Variants in ZNF681 observed in about 807,000 individuals in gnomAD.
ZNF681 encodes hypothetical protein FLJ31526.
In ZNF681, 37 loss-of-function variants were observed where a neutral mutation model predicts 56.0. The observed-to-expected ratio is 0.66, with a 90% CI of 0.51 to 0.87. ZNF681 has a LOEUF of 0.87. Among genes scored for constraint, ZNF681 ranks in the 40% least tolerant of loss-of-function variants. ZNF681 has a pLI of 0.00. For missense variants in ZNF681, 741 were observed against 744.9 expected, an observed-to-expected ratio of 0.99 and a Z score of 0.06; for synonymous variants, 225 against 248.6, an observed-to-expected ratio of 0.91 and a Z score of 0.89.
At position 23,742,393 on chromosome 19, in the gene ZNF681, AG is replaced by A. The variant is rs1190236826; in HGVS notation, c.*1218del. The A allele has an allele frequency of 6.6e-5, 10 of 152,262 alleles. No homozygotes were observed. The South Asian group carries it at 2.1e-3, about 32-fold the overall frequency. 9.4% of individuals were successfully genotyped at this position (152,262 alleles called of 1,614,324 possible). A position where few individuals can be genotyped will look rare whatever the true frequency, so the allele number is the denominator to read the frequency against. On this transcript the variant is annotated 3_prime_UTR_variant, in exon 4 of 4. Transcript: ENST00000402377. ...GTAATCCCAGCTACTCGGGAGGCTGAGGCAGGAGAATCCCTTGAACCTGGGA... is the reference window on the plus strand; with the variant it reads ...GTAATCCCAGCTACTCGGGAGGCTGAGCAGGAGAATCCCTTGAACCTGGGA...
At chr19:23,750,286 A>AAAAAAAAAAAAAAC in intron 3 of ZNF681, among the ~76,000 whole-genome samples, 1 of 72,668 alleles carries the variant, frequency 1.4e-5, no homozygotes, top group Non-Finnish European at 2.5e-5. Flanking sequence ...TCCAACTCAA[A>AAAAAAAAAAAAAAC]AAAAAAAAAA....
At chr19:23,748,995 T>G (rs1568310968) in intron 3 of ZNF681, among the ~76,000 whole-genome samples, 2 of 152,224 alleles carry the variant, frequency 1.3e-5, no homozygotes, top group Non-Finnish European at 2.9e-5. Flanking sequence ...ATTCAATTTG[T>G]AAATCTATAT....
Position 23,744,103 on chromosome 19 carries a change from A to T in ZNF681, c.1447T>A (p.Cys483Ser). The change falls in exon 4 of 4, where the codon TGT becomes AGT. Residue 483 changes from cysteine to serine, a missense_variant. Physicochemically the swap from Cys to Ser is moderately radical, Grantham distance 112. Transcript: ENST00000402377. ...TGEKPYKCEE[C>S]GKAFNQSSIL... ...GAGGACTGGTTAAAAGCTTTGCCAC[A>T]TTCTTCACATTTGTAGGGTTTCTCT... 2 of 1,612,176 alleles carry T rather than the reference A, an allele frequency of 1.2e-6. No homozygotes were observed. Among genetic ancestry groups the T allele is most frequent in the Middle Eastern group, 1.7e-4 (1 of 6,054 alleles).
chr19:23,748,324 C>T (rs1466711898), intron 3 of ZNF681, among the ~76,000 whole-genome samples: 7 of 152,214 alleles, frequency 4.6e-5, no homozygotes, highest in African/African-American at 1.7e-4. Flanking sequence ...AACTGTTTAT[C>T]ATGAATGCAG....
chr19:23,751,474 C>CA (rs71165893), intron 3 of ZNF681, among the ~76,000 whole-genome samples: 107,182 of 122,986 alleles, frequency 0.87, 46,863 homozygotes, highest in Admixed American at 0.91. Flanking sequence ...GACTCCGTCT[C>CA]AAAAAAAAAA....
At chr19:23,747,765 C>A (rs928729987) in intron 3 of ZNF681, among the ~76,000 whole-genome samples, 2 of 151,728 alleles carry the variant, frequency 1.3e-5, no homozygotes, top group Admixed American at 1.3e-4. Context: ...TGTTATACTT[C>A]TGGATTTTAA....
Position 23,743,549 on chromosome 19 carries a change from G to C in ZNF681, c.*63C>G. ...ACACTTGTAGGTTTTTTTTTAGTATGAATTATCTTATGCACAATCAAGTGT... is the reference window on the plus strand; with the variant it reads ...ACACTTGTAGGTTTTTTTTTAGTATCAATTATCTTATGCACAATCAAGTGT... On this transcript the variant is annotated 3_prime_UTR_variant, in exon 4 of 4. Transcript: ENST00000402377. The C allele has an allele frequency of 1.5e-6, 2 of 1,348,312 alleles. No individual in the cohort carries two copies. Among genetic ancestry groups the C allele is most frequent in the Non-Finnish European group, 1.9e-6 (2 of 1,028,970 alleles). 83.5% of individuals were successfully genotyped at this position (1,348,312 alleles called of 1,614,324 possible).
chr19:23,754,795 T>C, intron 3 of ZNF681, 28 bp downstream of exon 3: 2 of 1,558,642 alleles, frequency 1.3e-6, no homozygotes, highest in Non-Finnish European at 1.8e-6. Context: ...CTATGTTATC[T>C]GTTGTATTCA....
chr19:23,755,592 CACACACATACACAT>C, intron 1 of ZNF681, 41 bp from the exon 2 acceptor site: 1 of 1,296,508 alleles, frequency 7.7e-7, no homozygotes, highest in Non-Finnish European at 1.0e-6. Context: ...CACACACACA[CACACACATACACAT>C]TTAGAAAGTG....
chr19:23,746,300 T>C (rs146123188), intron 3 of ZNF681, among the ~76,000 whole-genome samples: 298 of 135,696 alleles, frequency 2.2e-3, no homozygotes, highest in Middle Eastern at 7.2e-3. Flanking sequence ...GGTGACAGAG[T>C]GAGACTATGT....
intron 3 of ZNF681, 112 bp from the exon 4 acceptor site, chr19:23,745,435 T>A: frequency 1.7e-5 from 14 of 801,362 alleles, no homozygotes; most frequent in Non-Finnish European, 5.2e-6. Context: ...TATAGCAAAA[T>A]ACCAAAGGCC....
At position 23,743,997 on chromosome 19, in the gene ZNF681, G is replaced by A. The variant is rs1383772062; in HGVS notation, c.1553C>T (p.Ser518Phe). The A allele has an allele frequency of 6.2e-7, 1 of 1,612,630 alleles. No homozygotes were observed. The highest frequency in any genetic ancestry group is 2.2e-5 in the East Asian group (1 of 44,814). ...TTTCTTATGTTCAGTAAGTTTTGAG[G>A]ATCGATAGAAAGCTTTGCCACATTC... Reference protein sequence around the residue: ...CEECGKAFYRSSKLTEHKKIH... With the variant: ...CEECGKAFYRFSKLTEHKKIH... The change falls in exon 4 of 4, where the codon TCC becomes TTC. Residue 518 changes from serine (S) to phenylalanine (F), a missense_variant. By Grantham distance (155) the Ser-to-Phe change is radical (BLOSUM62 -2). Transcript: ENST00000402377.
Position 23,740,267 on chromosome 19 carries a change from T to C in ZNF681, c.*3345A>G, listed in dbSNP as rs1212639917. The C allele has an allele frequency of 6.6e-6, 1 of 152,122 alleles. No homozygotes were observed. The highest frequency in any genetic ancestry group is 2.4e-5 in the African/African-American group (1 of 41,442). 9.4% of individuals were successfully genotyped at this position (152,122 alleles called of 1,614,324 possible). ...CGATTTCTCATCAAAACCTACAATATACCATGTGAAATGACATGGTGTGAA... is the reference window on the plus strand; with the variant it reads ...CGATTTCTCATCAAAACCTACAATACACCATGTGAAATGACATGGTGTGAA... On this transcript the variant is annotated 3_prime_UTR_variant, in exon 4 of 4. Transcript: ENST00000402377.
chr19:23,740,095 TAACA>T lies in ZNF681; in HGVS notation c.*3513_*3516del, dbSNP rs1417784406. 1.3e-5 allele frequency: 2 copies of T among 152,316 alleles called. No individual in the cohort carries two copies. Among genetic ancestry groups the T allele is most frequent in the East Asian group, 1.9e-4 (1 of 5,186 alleles). 9.4% of individuals were successfully genotyped at this position (152,316 alleles called of 1,614,324 possible). A position where few individuals can be genotyped will look rare whatever the true frequency, so the allele number is the denominator to read the frequency against. On this transcript the variant is annotated 3_prime_UTR_variant, in exon 4 of 4. Coordinates refer to ENST00000402377, the MANE Select transcript of ZNF681 (RefSeq NM_138286.3). ...GTAAGAATTTAATAAGATTATTCTTTAACAAACAGAGAAAAACAACGCTAAATGA... is the reference window on the plus strand; with the variant it reads ...GTAAGAATTTAATAAGATTATTCTTTAACAGAGAAAAACAACGCTAAATGA...
chr19:23,754,672 A>AAAAAG (rs531132637), intron 3 of ZNF681, 151 bp downstream of exon 3: 724 of 715,642 alleles, frequency 1.0e-3, no homozygotes, highest in Non-Finnish European at 1.5e-3. Flanking sequence ...CTCTCAAAAG[A>AAAAAG]AAAAGAAAAG....
In ZNF681 at chr19:23,741,830, C is replaced by T. The variant is rs370172759; in HGVS notation, c.*1782G>A. ...ATATGTAATTATTACATATTATATA[C>T]CTGTATCAAAATATGCCATATATGC... On this transcript the variant is annotated 3_prime_UTR_variant, in exon 4 of 4. Coordinates refer to ENST00000402377, the MANE Select transcript of ZNF681 (RefSeq NM_138286.3). 1.4e-4 allele frequency: 21 copies of T among 152,094 alleles called. No individual in the cohort carries two copies. The highest frequency in any genetic ancestry group is 4.6e-4 in the African/African-American group (19 of 41,468). 9.4% of individuals were successfully genotyped at this position (152,094 alleles called of 1,614,324 possible).
In ZNF681 at chr19:23,756,931, C is replaced by A. The variant is rs139434451; in HGVS notation, c.4-1380G>T. Among the ~76,000 whole-genome samples the A allele has an allele frequency of 1.2e-4, 18 of 151,992 alleles. No homozygotes were observed. In the East Asian group the frequency reaches 3.5e-3, roughly 29 times the overall value. On this transcript the variant is annotated intron_variant, in intron 1 of 3. Coordinates refer to ENST00000402377, the MANE Select transcript of ZNF681 (RefSeq NM_138286.3). Reference sequence around the variant, plus strand: ...TGTCACCCAAGCTGGAGTGCCATGGCGTGATCTCGGGTCACTGCAACCTCT... The same window carrying A: ...TGTCACCCAAGCTGGAGTGCCATGGAGTGATCTCGGGTCACTGCAACCTCT...
Position 23,744,966 on chromosome 19 carries a change from A to G in ZNF681, c.584T>C (p.Val195Ala). ...ACAGTCTTCACATTTGTAGAAATTT[A>G]CTCTAGTACAAATTATTTTATGTTG... ...LTQHKIICTRVNFYKCEDCGK... is the reference protein window; with the variant it reads ...LTQHKIICTRANFYKCEDCGK... The change falls in exon 4 of 4, where the codon GTA (valine) becomes GCA (alanine). Residue 195 changes from valine to alanine, a missense_variant. Physicochemically the swap from Val to Ala is moderately conservative, Grantham distance 64 (BLOSUM62 0). Transcript: ENST00000402377. 6.2e-7 allele frequency: 1 copy of G among 1,600,968 alleles called. No individual in the cohort carries two copies. The highest frequency in any genetic ancestry group is 8.5e-7 in the Non-Finnish European group (1 of 1,174,622).
At chr19:23,756,962 G>C (rs1380712642) in intron 1 of ZNF681, among the ~76,000 whole-genome samples, 1 of 151,830 alleles carries the variant, frequency 6.6e-6, no homozygotes, top group Middle Eastern at 3.4e-3. Flanking sequence ...CCTCTGTCTC[G>C]TGGGTTCACG....
Sources: allele counts gnomAD v4.1 joint callset (sites outside exome capture counted in the v4.1 genomes callset), GRCh38; gene constraint gnomAD v4.1.1; transcripts MANE v1.5; gene names NCBI Gene and HGNC (gene_info 2026-07-23, HGNC 2026-07-21).